Variants in RPA1 observed in about 807,000 individuals in gnomAD.
The protein encoded by RPA1 is replication protein A1.
Under a neutral mutation model 83.0 loss-of-function variants are expected in RPA1, and 49 were observed. That is an observed-to-expected ratio of 0.59 (90% CI 0.47 to 0.75). The LOEUF is 0.75. Among genes scored for constraint, RPA1 ranks in the 30% least tolerant of loss-of-function variants. The pLI is 0.00. For synonymous variants in RPA1, 279 were observed against 281.8 expected (o/e 0.99, Z 0.10); for missense variants, 693 against 776.1 (o/e 0.89, Z 1.27).
chr17:1,879,771 A>T, intron 11 of RPA1, 72 bp downstream of exon 11: 1 of 1,585,630 alleles, frequency 6.3e-7, no homozygotes, highest in Non-Finnish European at 8.6e-7. Flanking sequence ...GTCCTATAGG[A>T]TGGGGCCTTC....
chr17:1,871,565 C>G (rs1278804694), intron 5 of RPA1, among the ~76,000 whole-genome samples: 1 of 152,182 alleles, frequency 6.6e-6, no homozygotes, highest in East Asian at 1.9e-4. Context: ...GAGCTGCCCA[C>G]ATGAGGTTGA....
chr17:1,846,976 T>G (rs927550759), intron 4 of RPA1, among the ~76,000 whole-genome samples: 9 of 152,212 alleles, frequency 5.9e-5, no homozygotes, highest in African/African-American at 2.2e-4. Flanking sequence ...GTCTCTTGTT[T>G]TAGCTCATCT....
chr17:1,898,307 T>C lies in RPA1; in HGVS notation c.*1132T>C, dbSNP rs917479775. ...ATGCTGATGATCTGGCACTTGGGAT[T>C]TTATTGATGTTTACGCAGCAGTCTA... is the stretch of plus-strand genomic sequence containing the variant. On this transcript the variant is annotated 3_prime_UTR_variant, in exon 17 of 17. Transcript: ENST00000254719. 6.6e-6 allele frequency: 1 copy of C among 152,204 alleles called. No individual in the cohort carries two copies. The highest frequency in any genetic ancestry group is 2.4e-5 in the African/African-American group (1 of 41,446). The allele number at this position is 152,204 out of a possible 1,614,324, so 9.4% of individuals were successfully genotyped here.
intron 7 of RPA1, 56 bp from the exon 8 acceptor site, chr17:1,877,152 TCTTA>T (rs1323468343): frequency 2.7e-6 from 4 of 1,479,516 alleles, no homozygotes; most frequent in Non-Finnish European, 3.8e-6. Context: ...GAAGATGATT[TCTTA>T]CTTGATCTTT....
At chr17:1,843,809 C>A (rs776733599) in intron 2 of RPA1, 111 bp from the exon 3 acceptor site, 91 of 752,040 alleles carry the variant, frequency 1.2e-4, no homozygotes, top group Non-Finnish European at 1.9e-4. Context: ...AGAGAATGGG[C>A]AAACAGTTTG....
At position 1,891,895 on chromosome 17, in the gene RPA1, T is replaced by C; in HGVS notation, c.1614T>C (p.Ala538=). 1.2e-6 allele frequency: 2 copies of C among 1,609,328 alleles called. No homozygotes were observed. Among genetic ancestry groups the C allele is most frequent in the Non-Finnish European group, 1.7e-6 (2 of 1,176,186 alleles). Reference sequence around the variant, plus strand: ...CTTGTTTCCAGGAGTCTGCTGAAGCTATCCTTGGACAAAATGCTGCTTATC... The same window carrying C: ...CTTGTTTCCAGGAGTCTGCTGAAGCCATCCTTGGACAAAATGCTGCTTATC... ...WVTCFQESAE[A]ILGQNAAYLG... Residue 538 remains alanine, a synonymous_variant, in exon 15 of 17, where the codon GCT becomes GCC. Transcript: ENST00000254719.
chr17:1,872,447 G>T lies in RPA1; in HGVS notation c.375G>T (p.Pro125=), dbSNP rs1158001784. 6.2e-7 allele frequency: 1 copy of T among 1,613,804 alleles called. No individual in the cohort carries two copies. The highest frequency in any genetic ancestry group is 1.3e-5 in the African/African-American group (1 of 75,022). Residue 125 remains proline (P), a synonymous_variant, in exon 6 of 17, where the codon CCG becomes CCT. Transcript: ENST00000254719. ...PVPYNEGLGQ[P]QVAPPAPAAS... is the part of the protein sequence containing the mutation. ...TTTGATCTTCAGGACTCGGGCAGCCGCAAGTAGCTCCTCCAGCGCCAGCAG... is the reference window on the plus strand; with the variant it reads ...TTTGATCTTCAGGACTCGGGCAGCCTCAAGTAGCTCCTCCAGCGCCAGCAG...
At position 1,885,698 on chromosome 17, in the gene RPA1, C is replaced by CA. The variant is rs1913963300; in HGVS notation, c.1374+1757dup. ...AAGGGATCTCCCTGCCTCAACCTCT[C>CA]AAAGTGCCAGGAGTTACAGGTGTGA... On this transcript the variant is annotated intron_variant, in intron 13 of 16. Transcript: ENST00000254719. Among the ~76,000 whole-genome samples, 6 of 152,204 alleles carry CA rather than the reference C, an allele frequency of 3.9e-5. No individual in the cohort carries two copies. In the South Asian group the frequency reaches 1.2e-3, roughly 32 times the overall value.
At chr17:1,838,912 A>G (rs930153950) in intron 1 of RPA1, among the ~76,000 whole-genome samples, 11 of 151,546 alleles carry the variant, frequency 7.3e-5, no homozygotes, top group African/African-American at 1.9e-4. Flanking sequence ...GTGCAGTGGC[A>G]CGATCTCGGC....
intron 5 of RPA1, among the ~76,000 whole-genome samples, chr17:1,855,479 C>T (rs915609631): frequency 3.9e-5 from 6 of 152,246 alleles, no homozygotes; most frequent in Middle Eastern, 3.4e-3. Flanking sequence ...CGCTCAGCCA[C>T]GTTGATTGGT....
At chr17:1,846,927 T>C (rs575322047) in intron 4 of RPA1, among the ~76,000 whole-genome samples, 5 of 152,324 alleles carry the variant, frequency 3.3e-5, no homozygotes, top group African/African-American at 1.2e-4. Flanking sequence ...GATTTTGTTC[T>C]GTTTTTTTCT....
At chr17:1,865,838 C>T (rs1201040888) in intron 5 of RPA1, among the ~76,000 whole-genome samples, 1 of 152,202 alleles carries the variant, frequency 6.6e-6, no homozygotes, top group Non-Finnish European at 1.5e-5. Flanking sequence ...CCTCACTATG[C>T]TGTTCAGGCT....
At chr17:1,842,530 C>T (rs532362827) in intron 1 of RPA1, among the ~76,000 whole-genome samples, 1 of 152,124 alleles carries the variant, frequency 6.6e-6, no homozygotes, top group South Asian at 2.1e-4. Flanking sequence ...TGTTAATGAG[C>T]ACTAGAGGGA....
chr17:1,842,688 G>C, intron 1 of RPA1, 115 bp from the exon 2 acceptor site: 1 of 851,046 alleles, frequency 1.2e-6, no homozygotes, highest in East Asian at 2.6e-5. Flanking sequence ...GACAGGCTCT[G>C]AATAGGCTCT....
intron 16 of RPA1, among the ~76,000 whole-genome samples, chr17:1,896,816 T>C (rs1467282031): frequency 6.6e-6 from 1 of 152,154 alleles, no homozygotes; most frequent in Non-Finnish European, 1.5e-5. Flanking sequence ...AAAGTCCATC[T>C]CACTAGGATT....
intron 6 of RPA1, among the ~76,000 whole-genome samples, chr17:1,875,438 G>A (rs952941095): frequency 1.3e-5 from 2 of 152,162 alleles, no homozygotes; most frequent in African/African-American, 2.4e-5. Flanking sequence ...ATAGCAGTGA[G>A]CTGCTGTGTG....
intron 1 of RPA1, among the ~76,000 whole-genome samples, chr17:1,835,945 A>G (rs1194064322): frequency 6.6e-6 from 1 of 152,082 alleles, no homozygotes; most frequent in Non-Finnish European, 1.5e-5. Flanking sequence ...TGGGCAACAT[A>G]GCAAGATCCT....
intron 12 of RPA1, among the ~76,000 whole-genome samples, chr17:1,881,720 T>C (rs1181999455): frequency 2.0e-5 from 3 of 152,198 alleles, no homozygotes; most frequent in African/African-American, 7.2e-5. Flanking sequence ...CTTTTACTTG[T>C]CAATAATCAT....
At chr17:1,868,893 C>T (rs1472542409) in intron 5 of RPA1, among the ~76,000 whole-genome samples, 22 of 152,188 alleles carry the variant, frequency 1.4e-4, no homozygotes, top group Non-Finnish European at 2.9e-5. Flanking sequence ...TATATAAGTT[C>T]CATGCACCTA....
Sources: gnomAD v4.1 joint callset for allele counts (sites outside exome capture counted in the v4.1 genomes callset) on GRCh38, gnomAD v4.1.1 for gene constraint, MANE v1.5 for transcripts, NCBI Gene and HGNC (gene_info 2026-07-23, HGNC 2026-07-21) for gene names.